ZFHX3: variants seen among roughly 807,000 people sequenced by gnomAD.
ZFHX3 encodes zinc finger homeobox 3, also known as zinc finger homeobox protein 3.
Under a neutral mutation model 279.1 loss-of-function variants are expected in ZFHX3, and 42 were observed. That is an observed-to-expected ratio of 0.15 (90% CI 0.12 to 0.19). The LOEUF is 0.19. ZFHX3 is among the 10% of genes least tolerant of loss of function. The pLI, the probability that ZFHX3 is intolerant of heterozygous loss-of-function variation, is 1.00. For missense variants in ZFHX3, 4,981 were observed against 4,754.0 expected (o/e 1.05, Z -1.40); for synonymous variants, 2,293 against 1,957.8 (o/e 1.17, Z -4.52).
At chr16:73,258,205 G>A (rs1052329611) in intron 4 of ZFHX3, among the ~76,000 whole-genome samples, 2 of 151,960 alleles carry the variant, frequency 1.3e-5, no homozygotes, top group South Asian at 2.1e-4. Context: ...TTCAAAACAT[G>A]GTGAAACTAA....
intron 8 of ZFHX3, chr16:73,083,169 C>T (rs2144768012): frequency 6.5e-6 from 1 of 152,718 alleles, no homozygotes; most frequent in Admixed American, 6.5e-5. Context: ...TGCCATTGCA[C>T]TCCAGCCTGG....
chr16:73,240,090 G>A (rs891887229), intron 5 of ZFHX3, among the ~76,000 whole-genome samples: 8 of 151,720 alleles, frequency 5.3e-5, no homozygotes. Flanking sequence ...TGAACTCATG[G>A]CCAATAACAC....
rs373121233 is a variant in ZFHX3, at chr16:73,686,961, G to A, written c.-1607-6721C>T. On this transcript the variant is annotated intron_variant, in intron 1 of 17. Transcript: ENST00000641206. ...CCTTCCAGAGAGACAGAGCTTAACC[G>A]GTAGCACCACCATTTAGAAGGAGAG... 9.6e-4 allele frequency among the ~76,000 whole-genome samples: 132 copies of A among 137,464 alleles called. 5 individuals are homozygous for A. The South Asian group carries it at 0.015, about 16-fold the overall frequency. The allele number at this position is 137,464 out of a possible 152,430, so 90.2% of individuals were successfully genotyped here. A position where few individuals can be genotyped will look rare whatever the true frequency, so the allele number is the denominator to read the frequency against.
chr16:73,043,453 T>C (rs1424822753), intron 1 of ZFHX3, among the ~76,000 whole-genome samples: 2 of 152,230 alleles, frequency 1.3e-5, no homozygotes, highest in African/African-American at 4.8e-5. Flanking sequence ...TCCCTGTTTT[T>C]ATTTGAGCCC....
At chr16:72,870,031 T>A (rs1233316614) in intron 4 of ZFHX3, among the ~76,000 whole-genome samples, 2 of 151,330 alleles carry the variant, frequency 1.3e-5, no homozygotes, top group African/African-American at 4.8e-5. Flanking sequence ...AGTTGAAGGA[T>A]ACTTGACAAA....
intron 3 of ZFHX3, among the ~76,000 whole-genome samples, chr16:73,417,907 T>G (rs1378743878): frequency 7.3e-6 from 1 of 137,788 alleles, no homozygotes; most frequent in African/African-American, 2.8e-5. Flanking sequence ...GAGAATGGCG[T>G]GAACCCAGGA....
chr16:73,150,465 C>T (rs764028794), intron 5 of ZFHX3, among the ~76,000 whole-genome samples: 2 of 152,176 alleles, frequency 1.3e-5, no homozygotes, highest in African/African-American at 2.4e-5. Context: ...CTACCTCACA[C>T]ATTGTTTTGC....
intron 3 of ZFHX3, among the ~76,000 whole-genome samples, chr16:73,447,207 C>T (rs8044509): frequency 0.075 from 11,052 of 147,400 alleles, 591 homozygotes; most frequent in East Asian, 0.17. Flanking sequence ...ATGTAAAACA[C>T]AAAAACCTCT....
chr16:73,217,700 ATTGGGCTT>A (rs2012264794), intron 5 of ZFHX3, among the ~76,000 whole-genome samples: 1 of 152,150 alleles, frequency 6.6e-6, no homozygotes, highest in African/African-American at 2.4e-5. Context: ...ACATAATATT[ATTGGGCTT>A]TGCAAGGATT....
At chr16:72,999,674 G>A (rs1567625794) in intron 1 of ZFHX3, among the ~76,000 whole-genome samples, 1 of 152,202 alleles carries the variant, frequency 6.6e-6, no homozygotes, top group Admixed American at 6.5e-5. Flanking sequence ...ATCCTATTGG[G>A]CACGATACAA....
intron 3 of ZFHX3, among the ~76,000 whole-genome samples, chr16:72,937,108 C>T (rs1960164377): frequency 6.6e-6 from 1 of 152,150 alleles, no homozygotes; most frequent in African/African-American, 2.4e-5. Context: ...TCACAGAGTC[C>T]TTTCTGCACC....
intron 2 of ZFHX3, among the ~76,000 whole-genome samples, chr16:73,593,214 A>T (rs2052016578): frequency 6.6e-6 from 1 of 152,192 alleles, no homozygotes; most frequent in Non-Finnish European, 1.5e-5. Context: ...AACACTTTTA[A>T]TATTACTCAA....
intron 9 of ZFHX3, chr16:72,789,636 G>A (rs758476059): frequency 6.6e-6 from 1 of 152,300 alleles, no homozygotes; most frequent in Non-Finnish European, 1.5e-5. Context: ...GAGAGAAGAT[G>A]ATGAATAGGA....
intron 1 of ZFHX3, among the ~76,000 whole-genome samples, chr16:73,784,972 G>C (rs951722997): frequency 6.6e-6 from 1 of 151,562 alleles, no homozygotes; most frequent in African/African-American, 2.4e-5. Flanking sequence ...GTTTCTTCTG[G>C]TATTTGCCTC....
chr16:73,786,394 G>A (rs1959647352), intron 1 of ZFHX3, among the ~76,000 whole-genome samples: 2 of 151,954 alleles, frequency 1.3e-5, no homozygotes, highest in South Asian at 4.2e-4. Context: ...ATTATAAAAT[G>A]AGACACATAA....
chr16:73,303,349 A>G (rs2143138835), intron 4 of ZFHX3, among the ~76,000 whole-genome samples: 1 of 152,316 alleles, frequency 6.6e-6, no homozygotes, highest in Non-Finnish European at 1.5e-5. Flanking sequence ...AAATGTTAAC[A>G]GCTTCTCCAC....
rs533610650 is a variant in ZFHX3 at position 72,975,721 on chromosome 16, C to G, written c.-49-15527G>C. 7.8e-4 allele frequency among the ~76,000 whole-genome samples: 119 copies of G among 152,288 alleles called. 1 individual carries two copies. Among genetic ancestry groups the G allele is most frequent in the Admixed American group, 2.5e-3 (39 of 15,302 alleles). Reference sequence around the variant, plus strand: ...ATCCAAGAGCTCACACTTCCTTAACCTTCCAGAAGCCACCCAGAGAACCAA... The same window carrying G: ...ATCCAAGAGCTCACACTTCCTTAACGTTCCAGAAGCCACCCAGAGAACCAA... On this transcript the variant is annotated intron_variant, in intron 1 of 9. Coordinates refer to ENST00000268489, the MANE Select transcript of ZFHX3 (RefSeq NM_006885.4).
At chr16:73,737,985 A>C (rs1567393996) in intron 1 of ZFHX3, among the ~76,000 whole-genome samples, 1 of 152,278 alleles carries the variant, frequency 6.6e-6, no homozygotes, top group South Asian at 2.1e-4. Flanking sequence ...AGGAGGTCAA[A>C]ACTAATGGCA....
Position 72,811,919 on chromosome 16 carries a change from TCTC to T in ZFHX3, c.3646_3648del (p.Glu1216del). 1.9e-6 allele frequency: 3 copies of T among 1,613,868 alleles called. No homozygotes were observed. Among genetic ancestry groups the T allele is most frequent in the Non-Finnish European group, 1.7e-6 (2 of 1,179,984 alleles). ...TCCAGCCTCACCTGCTCCGGTTTGATCTCCTCAGCTGTTTTTGGTCGCTTCGAA... is the reference window on the plus strand; with the variant it reads ...TCCAGCCTCACCTGCTCCGGTTTGATCTCAGCTGTTTTTGGTCGCTTCGAA... On this transcript the variant is annotated inframe_deletion, in exon 6 of 10. Coordinates refer to ENST00000268489, the MANE Select transcript of ZFHX3 (RefSeq NM_006885.4).
Sources: gnomAD v4.1 joint callset for allele counts (sites outside exome capture counted in the v4.1 genomes callset) on GRCh38, gnomAD v4.1.1 for gene constraint, MANE v1.5 for transcripts, NCBI Gene and HGNC (gene_info 2026-07-23, HGNC 2026-07-21) for gene names.